The following SIPA1L1 variants were observed in gnomAD, a reference collection of about 807,000 sequenced individuals.
The protein encoded by SIPA1L1 is signal induced proliferation associated 1 like 1, also known as signal-induced proliferation-associated 1-like protein 1.
In SIPA1L1, 26 loss-of-function variants were observed where a neutral mutation model predicts 162.7. The observed-to-expected ratio is 0.16, with a 90% CI of 0.12 to 0.22. The LOEUF is 0.22. Ranked by LOEUF, SIPA1L1 falls within the 10% of genes least tolerant of loss-of-function variation. The pLI is 1.00. For missense variants in SIPA1L1, 1,874 were observed against 2,241.0 expected, an observed-to-expected ratio of 0.84 and a Z score of 3.31; for synonymous variants, 829 against 837.4, an observed-to-expected ratio of 0.99 and a Z score of 0.17.
At chr14:71,372,144 G>T (rs2038949008) in intron 2 of SIPA1L1, among the ~76,000 whole-genome samples, 1 of 152,084 alleles carries the variant, frequency 6.6e-6, no homozygotes, top group Non-Finnish European at 1.5e-5. Context: ...GTATATACTG[G>T]GTGATTGCCT....
At chr14:71,519,693 A>G (rs1457151065) in intron 3 of SIPA1L1, among the ~76,000 whole-genome samples, 1 of 151,944 alleles carries the variant, frequency 6.6e-6, no homozygotes, top group Non-Finnish European at 1.5e-5. Context: ...ATAGCCAGAC[A>G]TGGTGTCACA....
At chr14:71,675,102 C>G (rs575794207) in intron 12 of SIPA1L1, among the ~76,000 whole-genome samples, 3 of 152,252 alleles carry the variant, frequency 2.0e-5, no homozygotes, top group Non-Finnish European at 4.4e-5. Flanking sequence ...GATACTCCCA[C>G]TGTGGCTGGT....
intron 4 of SIPA1L1, among the ~76,000 whole-genome samples, chr14:71,533,135 A>G (rs1298467243): frequency 6.6e-6 from 1 of 152,240 alleles, no homozygotes; most frequent in Non-Finnish European, 1.5e-5. Flanking sequence ...GTACCTGGCA[A>G]TGAAGTGGGT....
At chr14:71,473,071 T>C (rs932879422) in intron 2 of SIPA1L1, among the ~76,000 whole-genome samples, 4 of 152,062 alleles carry the variant, frequency 2.6e-5, no homozygotes, top group Admixed American at 2.0e-4. Context: ...ATTATAATAA[T>C]GGATAACATG....
At chr14:71,576,136 T>C (rs1383446699) in intron 4 of SIPA1L1, among the ~76,000 whole-genome samples, 1 of 152,200 alleles carries the variant, frequency 6.6e-6, no homozygotes, top group Non-Finnish European at 1.5e-5. Flanking sequence ...CTCAAGAGCC[T>C]GAAAGTCTCA....
chr14:71,638,185 A>G (rs2041354975), intron 7 of SIPA1L1, among the ~76,000 whole-genome samples: 1 of 152,242 alleles, frequency 6.6e-6, no homozygotes, highest in African/African-American at 2.4e-5. Context: ...AAGATAAGAA[A>G]CATTTTAAAT....
At chr14:71,541,762 A>C (rs949740579) in intron 4 of SIPA1L1, among the ~76,000 whole-genome samples, 21 of 152,148 alleles carry the variant, frequency 1.4e-4, no homozygotes, top group African/African-American at 4.8e-4. Context: ...GACAGAGTGA[A>C]ACTCTGTCTC....
At chr14:71,651,432 C>T (rs1195708938) in intron 8 of SIPA1L1, among the ~76,000 whole-genome samples, 1 of 152,122 alleles carries the variant, frequency 6.6e-6, no homozygotes, top group Non-Finnish European at 1.5e-5. Flanking sequence ...TTCCTGTTGC[C>T]ATGGTTTTGC....
In SIPA1L1 at chr14:71,529,355, A is replaced by G; in HGVS notation, c.-318A>G. 3 of 684,210 alleles carry G rather than the reference A, an allele frequency of 4.4e-6. No individual in the cohort carries two copies. Among genetic ancestry groups the G allele is most frequent in the Non-Finnish European group, 8.0e-6 (3 of 375,780 alleles). 42.4% of individuals were successfully genotyped at this position (684,210 alleles called of 1,614,324 possible). A position where few individuals can be genotyped will look rare whatever the true frequency, so the allele number is the denominator to read the frequency against. ...GGACGTTGTCTAAATTTCGGTAGCC[A>G]TGGCACAAGAATATAGTAAGTACTA... is the stretch of plus-strand genomic sequence containing the variant. On this transcript the variant is annotated 5_prime_UTR_variant, in exon 4 of 24. The change abolishes an upstream ATG in the 5' untranslated region. Coordinates refer to ENST00000381232, the MANE Select transcript of SIPA1L1 (RefSeq NM_001386936.1).
rs2084821922 is a variant in SIPA1L1, at chr14:71,731,883, C to T, written c.4861+1582C>T. ...GATTTCACCCCCTAACCAGGCAGTCCTCATTGGGCTGATCCCTCAGCCCTG... is the reference window on the plus strand; with the variant it reads ...GATTTCACCCCCTAACCAGGCAGTCTTCATTGGGCTGATCCCTCAGCCCTG... On this transcript the variant is annotated intron_variant, in intron 20 of 23. Coordinates refer to ENST00000381232, the MANE Select transcript of SIPA1L1 (RefSeq NM_001386936.1). Among the ~76,000 whole-genome samples, 3 of 152,328 alleles carry T rather than the reference C, an allele frequency of 2.0e-5. No individual in the cohort carries two copies. The South Asian group carries it at 6.2e-4, about 32-fold the overall frequency.
Position 71,636,453 on chromosome 14 carries a change from A to G in SIPA1L1, c.1818+12217A>G, listed in dbSNP as rs192423838. 1.6e-3 allele frequency among the ~76,000 whole-genome samples: 248 copies of G among 152,372 alleles called. 1 individual carries two copies. Among genetic ancestry groups the G allele is most frequent in the African/African-American group, 5.2e-3 (217 of 41,592 alleles). ...AGATTTCTAAGTAACCAGTAGGTCA[A>G]AGAAAACACTTCAAGGGAAATGAAA... is the stretch of plus-strand genomic sequence containing the variant. On this transcript the variant is annotated intron_variant, in intron 7 of 23. Transcript: ENST00000381232.
intron 2 of SIPA1L1, among the ~76,000 whole-genome samples, chr14:71,346,842 T>C (rs185734264): frequency 1.3e-5 from 2 of 152,340 alleles, no homozygotes; most frequent in East Asian, 3.9e-4. Flanking sequence ...ACGTTAGTTA[T>C]CACCCTCCTG....
chr14:71,490,122 CATAG>C (rs1260740170), intron 2 of SIPA1L1, among the ~76,000 whole-genome samples: 2 of 152,000 alleles, frequency 1.3e-5, no homozygotes, highest in African/African-American at 2.4e-5. Flanking sequence ...ATTGAGCTTG[CATAG>C]ATATAGTTAA....
intron 2 of SIPA1L1, among the ~76,000 whole-genome samples, chr14:71,459,513 A>G (rs754758318): frequency 2.0e-5 from 3 of 152,056 alleles, no homozygotes; most frequent in African/African-American, 4.8e-5. Context: ...CATGATCACA[A>G]GGTCCCACAA....
intron 2 of SIPA1L1, among the ~76,000 whole-genome samples, chr14:71,337,186 T>C (rs2035186231): frequency 6.6e-6 from 1 of 152,246 alleles, no homozygotes; most frequent in Admixed American, 6.5e-5. Flanking sequence ...TCTACCAGAC[T>C]ATGTCTCTGC....
intron 2 of SIPA1L1, among the ~76,000 whole-genome samples, chr14:71,396,151 C>T (rs1249159101): frequency 1.3e-5 from 2 of 152,112 alleles, no homozygotes; most frequent in Non-Finnish European, 2.9e-5. Flanking sequence ...GCCATCTAGC[C>T]ACTTATCCAT....
At chr14:71,396,136 C>T (rs552208366) in intron 2 of SIPA1L1, among the ~76,000 whole-genome samples, 1 of 152,162 alleles carries the variant, frequency 6.6e-6, no homozygotes, top group East Asian at 1.9e-4. Flanking sequence ...AAAAAAAATC[C>T]TTCCGCCATC....
chr14:71,689,992 A>G lies in SIPA1L1; in HGVS notation c.3374+4361A>G, dbSNP rs536188308. 3.3e-5 allele frequency among the ~76,000 whole-genome samples: 5 copies of G among 152,340 alleles called. No homozygotes were observed. In the East Asian group the frequency reaches 9.6e-4, roughly 29 times the overall value. On this transcript the variant is annotated intron_variant, in intron 13 of 23. Coordinates refer to ENST00000381232, the MANE Select transcript of SIPA1L1 (RefSeq NM_001386936.1). The stretch of plus-strand genomic sequence containing the variant: ...ATACTTTTTAAGTTTGTTATATCAT[A>G]CAGGATCTAAGCTAATCTTCCACTG...
chr14:71,461,837 G>A (rs1189131265), intron 2 of SIPA1L1, among the ~76,000 whole-genome samples: 2 of 152,138 alleles, frequency 1.3e-5, no homozygotes, highest in Non-Finnish European at 2.9e-5. Flanking sequence ...CCTGCATATC[G>A]TGCAGAACCA....
Sources: allele counts gnomAD v4.1 joint callset (sites outside exome capture counted in the v4.1 genomes callset), GRCh38; gene constraint gnomAD v4.1.1; transcripts MANE v1.5; gene names NCBI Gene and HGNC (gene_info 2026-07-23, HGNC 2026-07-21).